Variants in SNRPN observed in about 807,000 individuals in gnomAD.
SNRPN encodes small nuclear ribonucleoprotein-associated protein N.
In SNRPN, 7 loss-of-function variants were observed where a neutral mutation model predicts 25.2. The ratio of observed to expected loss-of-function variants is 0.28; its 90% CI spans 0.16 to 0.52. The LOEUF (loss-of-function observed/expected upper bound fraction) is 0.52. Among genes scored for constraint, SNRPN ranks in the 20% least tolerant of loss-of-function variants. SNRPN has a pLI of 0.96. For missense variants in SNRPN, 196 were observed against 322.5 expected (o/e 0.61, Z 3.00); for synonymous variants, 124 against 110.6 (o/e 1.12, Z -0.76).
chr15:24,974,201 A>AG, intron 3 of SNRPN, 110 bp from the exon 4 acceptor site: 1 of 522,406 alleles, frequency 1.9e-6, no homozygotes, highest in Non-Finnish European at 3.4e-6. Context: ...CTAGTATGAG[A>AG]GGAAGGATGT....
At chr15:24,936,344 T>C (rs750255840) in intron 3 of SNRPN, among the ~76,000 whole-genome samples, 12 of 152,168 alleles carry the variant, frequency 7.9e-5, no homozygotes, top group Non-Finnish European at 1.3e-4. Context: ...AAAGCCCATG[T>C]TCCTGATATC....
rs946946405 is a variant in SNRPN at position 24,945,553 on chromosome 15, T to TA, written c.-390-16551dup. ...GCAATATAGAAAGGCCCCATCTCTT[T>TA]AAAAAAAAAATATACAGGCAGCAGG... On this transcript the variant is annotated intron_variant, in intron 3 of 11. Coordinates refer to the SNRPN transcript ENST00000400097. 5.9e-3 allele frequency among the ~76,000 whole-genome samples: 878 copies of TA among 149,116 alleles called. 6 individuals carry two copies. Among genetic ancestry groups the TA allele is most frequent in the African/African-American group, 0.019 (763 of 40,774 alleles).
intron 1 of SNRPN, among the ~76,000 whole-genome samples, chr15:24,875,275 A>T (rs560856975): frequency 2.0e-5 from 3 of 152,330 alleles, no homozygotes; most frequent in East Asian, 3.9e-4. Context: ...CTAAAGCCTT[A>T]CAGGAAAAGA....
chr15:24,832,058 T>C (rs546801819), intron 2 of SNRPN, among the ~76,000 whole-genome samples: 29 of 152,094 alleles, frequency 1.9e-4, no homozygotes, highest in African/African-American at 6.8e-4. Context: ...ATTGTTTTTT[T>C]TTTTAGGATC....
rs1157961647 is a variant in SNRPN at position 24,881,584 on chromosome 15, GGAGAGA to G, written c.-578-4901_-578-4896del. 8.7e-3 allele frequency among the ~76,000 whole-genome samples: 500 copies of G among 57,330 alleles called. 7 individuals are homozygous for G. The highest frequency in any genetic ancestry group is 0.025 in the African/African-American group (419 of 16,844). The allele number at this position is 57,330 out of a possible 152,430, so 37.6% of individuals were successfully genotyped here. A position where few individuals can be genotyped will look rare whatever the true frequency, so the allele number is the denominator to read the frequency against. On this transcript the variant is annotated intron_variant, in intron 1 of 11. Coordinates refer to the SNRPN transcript ENST00000400097. Reference sequence around the variant, plus strand: ...GGGAGGGAGGGAGGGAGGGAGGGAGGGAGAGAGAGAGAGAGAGAGAGAGAGAGAGAG... The same window carrying G: ...GGGAGGGAGGGAGGGAGGGAGGGAGGGAGAGAGAGAGAGAGAGAGAGAGAG...
At chr15:24,883,173 A>G (rs2056891626) in intron 1 of SNRPN, among the ~76,000 whole-genome samples, 1 of 152,244 alleles carries the variant, frequency 6.6e-6, no homozygotes, top group Admixed American at 6.5e-5. Context: ...ACTTCTGGAC[A>G]GTCAAGAAGG....
exon 1 of SNRPN, chr15:24,823,836 A>G (rs1286200094): frequency 6.6e-6 from 1 of 152,070 alleles, no homozygotes; most frequent in Non-Finnish European, 1.5e-5. Flanking sequence ...AACATTTCAT[A>G]TTGCTTTTTT....
At chr15:24,961,975 T>A in intron 1 of SNRPN, 139 bp from the exon 2 acceptor site, 2 of 811,454 alleles carry the variant, frequency 2.5e-6, no homozygotes, top group South Asian at 2.9e-5. Context: ...AGGTTAAAGA[T>A]CTTGTAATAA....
intron 3 of SNRPN, among the ~76,000 whole-genome samples, chr15:24,941,080 G>A (rs2061522353): frequency 6.6e-6 from 1 of 152,130 alleles, no homozygotes; most frequent in Admixed American, 6.5e-5. Context: ...AGGTTCAAGC[G>A]ACTCTCCTAC....
intron 1 of SNRPN, among the ~76,000 whole-genome samples, chr15:24,869,135 A>G (rs2054857203): frequency 6.6e-6 from 1 of 152,116 alleles, no homozygotes. Context: ...ACAGAGTGAT[A>G]CCGTGTCTCA....
intron 2 of SNRPN, chr15:24,909,285 A>C: frequency 6.2e-7 from 1 of 1,602,032 alleles, no homozygotes; most frequent in Non-Finnish European, 8.5e-7. Context: ...TAACCAGGGA[A>C]TTGTTTGGTA....
At chr15:24,962,323 C>A in intron 2 of SNRPN, 114 bp downstream of exon 2, 1 of 812,932 alleles carries the variant, frequency 1.2e-6, no homozygotes, top group Non-Finnish European at 2.1e-6. Context: ...GCAGACACAT[C>A]TAATACAGAA....
chr15:24,955,192 T>C, intron 1 of SNRPN, 130 bp downstream of exon 1: 2 of 1,252,078 alleles, frequency 1.6e-6, no homozygotes, highest in East Asian at 4.9e-5. Flanking sequence ...TCCTTTGTTC[T>C]GGAGAACCAG....
At chr15:24,902,306 T>C (rs1490116485) in intron 2 of SNRPN, among the ~76,000 whole-genome samples, 1 of 152,184 alleles carries the variant, frequency 6.6e-6, no homozygotes, top group East Asian at 1.9e-4. Flanking sequence ...ATTTCAGATG[T>C]ATAGGAATGT....
chr15:24,855,629 A>C (rs1033314760), upstream of SNRPN, among the ~76,000 whole-genome samples: 51 of 152,018 alleles, frequency 3.4e-4, no homozygotes, highest in African/African-American at 1.1e-3. Context: ...GTCTCTACTA[A>C]AAATACAAAA....
At position 24,833,104 on chromosome 15, in the gene SNRPN, CAAAAAAAAAA is replaced by C. The variant is rs10696281; in HGVS notation, c.-579+3217_-579+3226del. 5.2e-4 allele frequency among the ~76,000 whole-genome samples: 32 copies of C among 61,776 alleles called. No homozygotes were observed. In the South Asian group the frequency reaches 0.012, roughly 23 times the overall value. The allele number at this position is 61,776 out of a possible 152,430, so 40.5% of individuals were successfully genotyped here. ...TGGGCGACAGAGCGAGACTCTGTCTCAAAAAAAAAAAAAAAAAAAAAAAAAAAGATGATGG... is the reference window on the plus strand; with the variant it reads ...TGGGCGACAGAGCGAGACTCTGTCTCAAAAAAAAAAAAAAAAAGATGATGG... On this transcript the variant is annotated intron_variant, in intron 2 of 12. Transcript: ENST00000400100.
chr15:24,960,509 T>G (rs981699727), intron 1 of SNRPN, among the ~76,000 whole-genome samples: 2 of 152,004 alleles, frequency 1.3e-5, no homozygotes, highest in African/African-American at 4.8e-5. Flanking sequence ...CCAGCTAATT[T>G]TTGTATTTTT....
intron 2 of SNRPN, among the ~76,000 whole-genome samples, chr15:24,893,288 C>A (rs1428388146): frequency 1.3e-5 from 2 of 151,640 alleles, no homozygotes; most frequent in Non-Finnish European, 2.9e-5. Flanking sequence ...CTATCAGCTT[C>A]CCATTAGGCC....
At chr15:24,904,038 C>CAAAA (rs772062635) in intron 2 of SNRPN, among the ~76,000 whole-genome samples, 209 of 109,834 alleles carry the variant, frequency 1.9e-3, no homozygotes, top group Non-Finnish European at 2.8e-3. Context: ...AGTCCTGTCT[C>CAAAA]AAAAAAAAAA....
Sources: allele counts gnomAD v4.1 joint callset (sites outside exome capture counted in the v4.1 genomes callset), GRCh38; gene constraint gnomAD v4.1.1; transcripts MANE v1.5; gene names NCBI Gene and HGNC (gene_info 2026-07-23, HGNC 2026-07-21).